Variants in PCSK6 observed in about 807,000 individuals in gnomAD.
PCSK6 encodes proprotein convertase subtilisin/kexin type 6.
Under a neutral mutation model 123.3 loss-of-function variants are expected in PCSK6, and 85 were observed. The observed-to-expected ratio is 0.69, with a 90% CI of 0.58 to 0.83. The LOEUF is 0.83. PCSK6 is among the 40% of genes least tolerant of loss of function. PCSK6 has a pLI of 0.00. For synonymous variants in PCSK6, 508 were observed against 516.0 expected, an observed-to-expected ratio of 0.98 and a Z score of 0.21; for missense variants, 1,191 against 1,282.3, an observed-to-expected ratio of 0.93 and a Z score of 1.09.
In PCSK6 at chr15:101,324,926, G is replaced by C. The variant is rs1268911184; in HGVS notation, c.2301C>G (p.Cys767Trp). 4.3e-6 allele frequency: 7 copies of C among 1,613,370 alleles called. No individual in the cohort carries two copies. The highest frequency in any genetic ancestry group is 5.9e-6 in the Non-Finnish European group (7 of 1,179,886). Residue 767 changes from cysteine to tryptophan, a missense_variant, in exon 17 of 22, where the codon TGC becomes TGG. By Grantham distance (215) the Cys-to-Trp change is radical. This residue lies in a region of PCSK6 where 630 missense variants were observed against 631.4 expected (regional missense o/e 1.00). Coordinates refer to ENST00000611716, the MANE Select transcript of PCSK6 (RefSeq NM_002570.5). ...CCTGGTGGTGATAGAACCCGCGGCGGCAAGACAGGCACTGCGTCGCAGCTC... is the reference window on the plus strand; with the variant it reads ...CCTGGTGGTGATAGAACCCGCGGCGCCAAGACAGGCACTGCGTCGCAGCTC... Reference protein sequence around the residue: ...SSRAATQCLSCRRGFYHHQEM... With the variant: ...SSRAATQCLSWRRGFYHHQEM...
At chr15:101,387,650 G>C (rs1481957780) in intron 9 of PCSK6, among the ~76,000 whole-genome samples, 1 of 152,234 alleles carries the variant, frequency 6.6e-6, no homozygotes, top group Non-Finnish European at 1.5e-5. Flanking sequence ...ACTCCCTTTA[G>C]AGAATTCCAA....
rs1368057880 is a variant in PCSK6 at position 101,489,359 on chromosome 15, G to A, written c.297+15C>T. The A allele has an allele frequency of 3.5e-6, 4 of 1,155,942 alleles. No individual in the cohort carries two copies. Among genetic ancestry groups the A allele is most frequent in the East Asian group, 5.2e-5 (1 of 19,326 alleles). The allele number at this position is 1,155,942 out of a possible 1,614,324, so 71.6% of individuals were successfully genotyped here. On this transcript the variant is annotated intron_variant, in intron 1 of 21. Coordinates refer to ENST00000611716, the MANE Select transcript of PCSK6 (RefSeq NM_002570.5). Reference sequence around the variant, plus strand: ...GCCGGGAAAGTTTTGGGCGCGCGGGGCCGGCCGCACTCACCTGGCCCAAGT... The same window carrying A: ...GCCGGGAAAGTTTTGGGCGCGCGGGACCGGCCGCACTCACCTGGCCCAAGT...
intron 1 of PCSK6, among the ~76,000 whole-genome samples, chr15:101,466,286 G>C (rs1025137505): frequency 6.6e-6 from 1 of 152,224 alleles, no homozygotes; most frequent in Non-Finnish European, 1.5e-5. Flanking sequence ...TACGTTCAAC[G>C]TCATTAGCCG....
At chr15:101,451,632 C>T (rs1219247904) in intron 1 of PCSK6, among the ~76,000 whole-genome samples, 3 of 152,218 alleles carry the variant, frequency 2.0e-5, no homozygotes, top group East Asian at 1.9e-4. Context: ...CCGTCCGCTC[C>T]GCAGCTGCAG....
In PCSK6 at chr15:101,370,350, T is replaced by C. The variant is rs1418784887; in HGVS notation, c.1706A>G (p.Gln569Arg). 1 of 1,545,620 alleles carries C rather than the reference T, an allele frequency of 6.5e-7. No individual in the cohort carries two copies. The highest frequency in any genetic ancestry group is 2.0e-5 in the Admixed American group (1 of 50,570). ...YLVSPSGTKS[Q>R]LLAKRLLDLS... Reference sequence around the variant, plus strand: ...CTCGCCTTACCTCTTTGCCAGAAGTTGAGACTTGGTTCCCGAGGGAGAAAC... The same window carrying C: ...CTCGCCTTACCTCTTTGCCAGAAGTCGAGACTTGGTTCCCGAGGGAGAAAC... Residue 569 changes from glutamine (Q) to arginine (R), a missense_variant, in exon 12 of 22, where the codon CAA becomes CGA. Gln to Arg is a conservative substitution (Grantham distance 43). This residue lies in a region of PCSK6 where 630 missense variants were observed against 631.4 expected (regional missense o/e 1.00). Transcript: ENST00000611716.
At chr15:101,338,794 T>C (rs1490493334) in intron 13 of PCSK6, among the ~76,000 whole-genome samples, 1 of 152,192 alleles carries the variant, frequency 6.6e-6, no homozygotes, top group Non-Finnish European at 1.5e-5. Context: ...TCCACCTGTT[T>C]AAACACTTGG....
chr15:101,478,469 G>A (rs1186553477), intron 1 of PCSK6, among the ~76,000 whole-genome samples: 10 of 152,186 alleles, frequency 6.6e-5, no homozygotes, highest in Admixed American at 5.9e-4. Context: ...CAAGGCCGCA[G>A]GACACACCCA....
chr15:101,403,187 C>G (rs1274961966), intron 6 of PCSK6, among the ~76,000 whole-genome samples: 1 of 146,360 alleles, frequency 6.8e-6, no homozygotes, highest in Non-Finnish European at 1.5e-5. Context: ...AACCAAACAC[C>G]GCATGTTCTC....
intron 13 of PCSK6, chr15:101,365,975 G>A (rs934530251): frequency 1.2e-5 from 5 of 411,686 alleles, no homozygotes; most frequent in South Asian, 5.7e-5. Flanking sequence ...AAACATTCTG[G>A]AATTAGATAG....
intron 6 of PCSK6, among the ~76,000 whole-genome samples, chr15:101,403,679 T>A (rs1237370366): frequency 6.6e-6 from 1 of 152,200 alleles, no homozygotes; most frequent in Non-Finnish European, 1.5e-5. Flanking sequence ...AGGAAAATGA[T>A]CAGAATTTTT....
At chr15:101,466,958 CA>C (rs1184178650) in intron 1 of PCSK6, among the ~76,000 whole-genome samples, 3 of 152,046 alleles carry the variant, frequency 2.0e-5, no homozygotes, top group Non-Finnish European at 4.4e-5. Flanking sequence ...CTGAATGTAC[CA>C]AAACCCACTG....
At chr15:101,326,599 C>A in intron 15 of PCSK6, 120 bp from the exon 16 acceptor site, 3 of 954,496 alleles carry the variant, frequency 3.1e-6, no homozygotes, top group Non-Finnish European at 4.7e-6. Flanking sequence ...TCCCAGGCCC[C>A]GCTGGGGCTG....
At chr15:101,306,797 A>T (rs1251413914) in intron 21 of PCSK6, among the ~76,000 whole-genome samples, 1 of 152,002 alleles carries the variant, frequency 6.6e-6, no homozygotes, top group Non-Finnish European at 1.5e-5. Flanking sequence ...CGTGTGCTCT[A>T]CTCTGGGCTC....
intron 2 of PCSK6, among the ~76,000 whole-genome samples, chr15:101,434,744 G>T (rs2056547112): frequency 6.6e-6 from 1 of 152,204 alleles, no homozygotes; most frequent in South Asian, 2.1e-4. Context: ...AGGCGTGGGG[G>T]CTTCTCCGTG....
intron 15 of PCSK6, among the ~76,000 whole-genome samples, chr15:101,329,778 C>T (rs993724011): frequency 6.6e-6 from 1 of 152,258 alleles, no homozygotes; most frequent in African/African-American, 2.4e-5. Flanking sequence ...TGGCTTCTTT[C>T]CTGAGGCCCA....
In PCSK6 at chr15:101,432,049, G is replaced by C. The variant is rs374285273; in HGVS notation, c.454C>G (p.Arg152Gly). 4.0e-5 allele frequency: 64 copies of C among 1,613,708 alleles called. No individual in the cohort carries two copies. The East Asian group carries it at 6.5e-4, about 16-fold the overall frequency. ...EVKRRVKRQV[R>G]SDPQALYFND... ...AAGTAAAGGGCCTGCGGGTCACTTC[G>C]CACCTGTCTCTTCACCCTTCGTTTC... The change falls in exon 3 of 22, where the codon CGA becomes GGA. Residue 152 changes from arginine (R) to glycine (G), a missense_variant. By Grantham distance (125) the Arg-to-Gly change is moderately radical. This residue lies in a region of PCSK6 where 357 missense variants were observed against 484.5 expected (regional missense o/e 0.74). Coordinates refer to ENST00000611716, the MANE Select transcript of PCSK6 (RefSeq NM_002570.5).
intron 13 of PCSK6, among the ~76,000 whole-genome samples, chr15:101,345,439 C>T (rs978774584): frequency 5.9e-5 from 9 of 151,652 alleles, no homozygotes; most frequent in African/African-American, 2.2e-4. Flanking sequence ...TAAAATCAAA[C>T]AAATTGGGAC....
At chr15:101,467,274 CT>C (rs36020493) in intron 1 of PCSK6, among the ~76,000 whole-genome samples, 102,605 of 141,854 alleles carry the variant, frequency 0.72, 37,626 homozygotes, top group Non-Finnish European at 0.82. Flanking sequence ...AGCAACAATT[CT>C]TTTTTTTTTT....
intron 13 of PCSK6, among the ~76,000 whole-genome samples, chr15:101,335,844 A>AC (rs1457097365): frequency 6.6e-6 from 1 of 152,190 alleles, no homozygotes; most frequent in Non-Finnish European, 1.5e-5. Context: ...CCTAGATGGT[A>AC]CCCCTACTCC....
Sources: allele counts gnomAD v4.1 joint callset (sites outside exome capture counted in the v4.1 genomes callset), GRCh38; gene constraint gnomAD v4.1.1; regional missense constraint gnomAD v4.1.1; transcripts MANE v1.5; gene names NCBI Gene and HGNC (gene_info 2026-07-23, HGNC 2026-07-21).